MEOX2: variants seen among roughly 807,000 people sequenced by gnomAD.
MEOX2 encodes mesenchyme homeobox 2, also known as homeobox protein MOX-2.
In MEOX2, 11 loss-of-function variants were observed where a neutral mutation model predicts 27.0. The observed-to-expected ratio is 0.41, with a 90% CI of 0.26 to 0.68. MEOX2 has a LOEUF of 0.68. Ranked by LOEUF, MEOX2 falls within the 30% of genes least tolerant of loss-of-function variation. MEOX2 has a pLI of 0.33. For synonymous variants in MEOX2, 189 were observed against 155.4 expected, an observed-to-expected ratio of 1.22 and a Z score of -1.61; for missense variants, 436 against 385.4, an observed-to-expected ratio of 1.13 and a Z score of -1.10.
intron 1 of MEOX2, among the ~76,000 whole-genome samples, chr7:15,641,898 T>A (rs1781567176): frequency 1.3e-5 from 2 of 152,156 alleles, no homozygotes; most frequent in East Asian, 1.9e-4. Flanking sequence ...GGATACAAAA[T>A]TTTTTGTTGC....
rs1024904763 is a variant in MEOX2, at chr7:15,626,756, G to T, written c.680C>A (p.Thr227Asn). 2 of 1,607,372 alleles carry T rather than the reference G, an allele frequency of 1.2e-6. No homozygotes were observed. Among genetic ancestry groups the T allele is most frequent in the South Asian group, 1.1e-5 (1 of 90,524 alleles). The change falls in exon 2 of 3, where the codon ACT becomes AAT. Residue 227 changes from threonine (T) to asparagine (N), a missense_variant. Thr to Asn is a moderately conservative substitution (Grantham distance 65). Coordinates refer to ENST00000262041, the MANE Select transcript of MEOX2 (RefSeq NM_005924.5). ...RYEIAVNLDL[T>N]ERQVKVWFQN... ...AATGCCCAGCTTTACCTGTCTTTCA[G>T]TGAGATCCAGATTCACTGCTATCTC...
chr7:15,636,678 T>C (rs1186035370), intron 1 of MEOX2, among the ~76,000 whole-genome samples: 1 of 152,104 alleles, frequency 6.6e-6, no homozygotes, highest in East Asian at 1.9e-4. Context: ...AACATAAATG[T>C]AATTATTATC....
At chr7:15,663,156 T>C (rs1314312835) in intron 1 of MEOX2, among the ~76,000 whole-genome samples, 1 of 152,168 alleles carries the variant, frequency 6.6e-6, no homozygotes, top group African/African-American at 2.4e-5. Context: ...CATGACACTC[T>C]TTCACAGCCA....
chr7:15,685,973 A>C lies in MEOX2; in HGVS notation c.430T>G (p.Cys144Gly). 6.2e-7 allele frequency: 1 copy of C among 1,610,592 alleles called. No individual in the cohort carries two copies. Among genetic ancestry groups the C allele is most frequent in the South Asian group, 1.1e-5 (1 of 91,010 alleles). Residue 144 changes from cysteine (C) to glycine (G), a missense_variant, in exon 1 of 3, where the codon TGC (cysteine) becomes GGC (glycine). Cys to Gly is a radical substitution (Grantham distance 159, BLOSUM62 -3). Transcript: ENST00000262041. ...LGSSTPTGAACAPGDYGRQAL... is the reference protein window; with the variant it reads ...LGSSTPTGAAGAPGDYGRQAL... ...TGGCGGCCGTAGTCCCCCGGCGCGC[A>C]CGCGGCCCCAGTCGGGGTGCTGGAG... is the stretch of plus-strand genomic sequence containing the variant.
chr7:15,657,595 A>AT (rs1173050857), intron 1 of MEOX2, among the ~76,000 whole-genome samples: 3 of 151,962 alleles, frequency 2.0e-5, no homozygotes, highest in Non-Finnish European at 4.4e-5. Context: ...GAGATGTTCT[A>AT]TTTTTTCATT....
At chr7:15,616,443 A>G (rs1583736175) in intron 2 of MEOX2, among the ~76,000 whole-genome samples, 2 of 151,658 alleles carry the variant, frequency 1.3e-5, no homozygotes, top group East Asian at 3.9e-4. Flanking sequence ...GGTATTAGCA[A>G]TCCCCCCAAC....
chr7:15,659,770 A>T (rs1034084050), intron 1 of MEOX2, among the ~76,000 whole-genome samples: 1 of 151,560 alleles, frequency 6.6e-6, no homozygotes, highest in African/African-American at 2.4e-5. Flanking sequence ...AAAAAAAAAA[A>T]AAAAAAAAAA....
chr7:15,675,722 G>A (rs1276111854), intron 1 of MEOX2, among the ~76,000 whole-genome samples: 1 of 152,158 alleles, frequency 6.6e-6, no homozygotes, highest in Non-Finnish European at 1.5e-5. Flanking sequence ...AATTCATTAA[G>A]AAAACTTTGA....
chr7:15,673,597 CAAA>C (rs35223717), intron 1 of MEOX2, among the ~76,000 whole-genome samples: 7,485 of 76,324 alleles, frequency 0.098, 228 homozygotes, highest in Middle Eastern at 0.19. Flanking sequence ...ACAAGTCTAT[CAAA>C]AAAAAAAAAA....
chr7:15,622,982 A>G (rs961968120), intron 2 of MEOX2, among the ~76,000 whole-genome samples: 1 of 152,186 alleles, frequency 6.6e-6, no homozygotes, highest in Non-Finnish European at 1.5e-5. Flanking sequence ...CTCACCAGAC[A>G]CCGAATCTGC....
intron 1 of MEOX2, among the ~76,000 whole-genome samples, chr7:15,629,131 G>A (rs1781360455): frequency 6.6e-6 from 1 of 152,206 alleles, no homozygotes; most frequent in African/African-American, 2.4e-5. Context: ...ATGTAAGCAT[G>A]AATGAACAAA....
intron 1 of MEOX2, among the ~76,000 whole-genome samples, chr7:15,673,597 C>CAAAAAAAA (rs35223717): frequency 2.6e-5 from 2 of 76,186 alleles, no homozygotes; most frequent in Admixed American, 1.6e-4. Flanking sequence ...ACAAGTCTAT[C>CAAAAAAAA]AAAAAAAAAA....
intron 2 of MEOX2, among the ~76,000 whole-genome samples, chr7:15,625,576 C>T (rs796656149): frequency 6.6e-5 from 10 of 152,248 alleles, no homozygotes; most frequent in African/African-American, 2.4e-4. Flanking sequence ...ATTCATTTGT[C>T]CACACCCTGT....
intron 1 of MEOX2, among the ~76,000 whole-genome samples, chr7:15,647,641 T>A (rs1209897748): frequency 6.6e-6 from 1 of 152,090 alleles, no homozygotes; most frequent in Non-Finnish European, 1.5e-5. Flanking sequence ...AGTCGCTGTA[T>A]AATAATGGCA....
At chr7:15,626,692 C>A (rs995019825) in intron 2 of MEOX2, 54 bp downstream of exon 2, 1 of 1,329,704 alleles carries the variant, frequency 7.5e-7, no homozygotes, top group Non-Finnish European at 1.1e-6. Context: ...GCAAAGAAGA[C>A]TGTGGACCCA....
At chr7:15,676,872 A>G (rs1327778008) in intron 1 of MEOX2, among the ~76,000 whole-genome samples, 1 of 151,024 alleles carries the variant, frequency 6.6e-6, no homozygotes, top group Non-Finnish European at 1.5e-5. Flanking sequence ...AAAAAAAAAG[A>G]GTCCTCATTT....
At position 15,626,528 on chromosome 7, in the gene MEOX2, G is replaced by C. The variant is rs189579645; in HGVS notation, c.690+218C>G. ...TACAGAAGGATAATAATCATAGGAG[G>C]ATTCTTTCTTCAACTCAATAAGTAT... On this transcript the variant is annotated intron_variant, in intron 2 of 2. Transcript: ENST00000262041. Among the ~76,000 whole-genome samples the C allele has an allele frequency of 1.2e-4, 18 of 151,798 alleles. No homozygotes were observed. The East Asian group carries it at 2.1e-3, about 18-fold the overall frequency.
At chr7:15,661,057 AG>A (rs1447314748) in intron 1 of MEOX2, among the ~76,000 whole-genome samples, 1 of 150,954 alleles carries the variant, frequency 6.6e-6, no homozygotes, top group Non-Finnish European at 1.5e-5. Context: ...AGAGAGAGAA[AG>A]GAAGCATTAG....
intron 2 of MEOX2, among the ~76,000 whole-genome samples, chr7:15,621,401 T>C (rs1781221246): frequency 6.6e-6 from 1 of 152,184 alleles, no homozygotes; most frequent in African/African-American, 2.4e-5. Context: ...ATGAGCCTCT[T>C]TTTTTCCTTC....
Sources: allele counts gnomAD v4.1 joint callset (sites outside exome capture counted in the v4.1 genomes callset), GRCh38; gene constraint gnomAD v4.1.1; transcripts MANE v1.5; gene names NCBI Gene and HGNC (gene_info 2026-07-23, HGNC 2026-07-21).